SOCS6: variants seen among roughly 807,000 people sequenced by gnomAD.
SOCS6 encodes suppressor of cytokine signaling 6.
A neutral mutation model predicts 27.7 loss-of-function variants in SOCS6; 5 were observed. That is an observed-to-expected ratio of 0.18 (90% CI 0.09 to 0.38). The LOEUF (loss-of-function observed/expected upper bound fraction) is 0.38. Among genes scored for constraint, SOCS6 ranks in the 10% least tolerant of loss-of-function variants. SOCS6 has a pLI of 1.00. For missense variants in SOCS6, 595 were observed against 688.1 expected, an observed-to-expected ratio of 0.86 and a Z score of 1.51; for synonymous variants, 271 against 260.0, an observed-to-expected ratio of 1.04 and a Z score of -0.41.
intron 1 of SOCS6, among the ~76,000 whole-genome samples, chr18:70,316,999 C>A (rs2062414083): frequency 6.6e-6 from 1 of 152,166 alleles, no homozygotes; most frequent in Non-Finnish European, 1.5e-5. Context: ...AATCTTTATA[C>A]AAAGGCCCAG....
At chr18:70,308,327 C>T (rs541298321) in intron 1 of SOCS6, among the ~76,000 whole-genome samples, 13 of 152,274 alleles carry the variant, frequency 8.5e-5, no homozygotes, top group African/African-American at 3.1e-4. Context: ...AAGTGATCCT[C>T]CTGCCCCAGC....
rs763120236 is a variant in SOCS6, at chr18:70,321,312, GTTTTTTTTTTTTT to G, written c.-126-3217_-126-3205del. ...AATAAATAAATAACAAATTTTCTCA[GTTTTTTTTTTTTT>G]TTTTTTTTTTTTTGACAGAGTTTTC... On this transcript the variant is annotated intron_variant, in intron 1 of 1. Transcript: ENST00000397942. Among the ~76,000 whole-genome samples the G allele has an allele frequency of 1.2e-4, 8 of 68,694 alleles. No individual in the cohort carries two copies. In the East Asian group the frequency reaches 1.8e-3, roughly 15 times the overall value. The allele number at this position is 68,694 out of a possible 152,430, so 45.1% of individuals were successfully genotyped here.
intron 1 of SOCS6, among the ~76,000 whole-genome samples, chr18:70,304,972 C>T (rs1234223625): frequency 1.3e-5 from 2 of 152,070 alleles, no homozygotes; most frequent in East Asian, 1.9e-4. Context: ...TTTGGGATGC[C>T]GAGGTGGGCG....
chr18:70,302,715 T>C (rs898619568), intron 1 of SOCS6, among the ~76,000 whole-genome samples: 1 of 152,076 alleles, frequency 6.6e-6, no homozygotes, highest in African/African-American at 2.4e-5. Context: ...ACTCTTGTCA[T>C]TTAGACTTTG....
Position 70,326,600 on chromosome 18 carries a change from T to C in SOCS6, c.*324T>C. The C allele has an allele frequency of 3.8e-6, 1 of 264,452 alleles. No individual in the cohort carries two copies. Among genetic ancestry groups the C allele is most frequent in the Non-Finnish European group, 7.7e-6 (1 of 129,786 alleles). 16.4% of individuals were successfully genotyped at this position (264,452 alleles called of 1,614,324 possible). ...CTTTGCTGCTATCCACTGTGATTTT[T>C]ATGCATTAAAAGCACATTTCATGTG... On this transcript the variant is annotated 3_prime_UTR_variant, in exon 2 of 2. Coordinates refer to ENST00000397942, the MANE Select transcript of SOCS6 (RefSeq NM_004232.4).
intron 1 of SOCS6, among the ~76,000 whole-genome samples, chr18:70,294,667 G>T (rs1353868768): frequency 6.6e-6 from 1 of 152,170 alleles, no homozygotes; most frequent in Non-Finnish European, 1.5e-5. Flanking sequence ...AAGTGAATGG[G>T]CGCCTTCAGA....
chr18:70,308,367 G>C (rs746693335), intron 1 of SOCS6, among the ~76,000 whole-genome samples: 2 of 152,040 alleles, frequency 1.3e-5, no homozygotes, highest in African/African-American at 4.8e-5. Context: ...ACAGGCATGC[G>C]CCACCATACC....
chr18:70,290,841 A>G (rs2062295831), intron 1 of SOCS6, among the ~76,000 whole-genome samples: 1 of 151,812 alleles, frequency 6.6e-6, no homozygotes, highest in East Asian at 1.9e-4. Flanking sequence ...TTACCCTCTA[A>G]ATTGGTAGTC....
intron 1 of SOCS6, among the ~76,000 whole-genome samples, chr18:70,311,555 T>C: frequency 6.6e-6 from 1 of 152,174 alleles, no homozygotes; most frequent in East Asian, 1.9e-4. Context: ...TTTGTAGTAA[T>C]GTAAAATCGG....
chr18:70,295,239 A>C (rs960804340), intron 1 of SOCS6, among the ~76,000 whole-genome samples: 2 of 152,246 alleles, frequency 1.3e-5, no homozygotes, highest in African/African-American at 2.4e-5. Context: ...TTCCATCAAA[A>C]ACAATTTCAA....
intron 1 of SOCS6, among the ~76,000 whole-genome samples, chr18:70,317,580 C>CACAT (rs1568602861): frequency 6.6e-6 from 1 of 150,638 alleles, no homozygotes. Context: ...CACACACACA[C>CACAT]ACCACATTTT....
In SOCS6 at chr18:70,328,596, A is replaced by G. The variant is rs901073326; in HGVS notation, c.*2320A>G. 1.8e-5 allele frequency: 3 copies of G among 166,984 alleles called. No individual in the cohort carries two copies. Among genetic ancestry groups the G allele is most frequent in the Admixed American group, 6.5e-5 (1 of 15,272 alleles). The allele number at this position is 166,984 out of a possible 1,614,324, so 10.3% of individuals were successfully genotyped here. ...AAGCCAAATTTTGATGCGCTTTTGT[A>G]TATTCATAATATATACTTTAATATG... On this transcript the variant is annotated 3_prime_UTR_variant, in exon 2 of 2. Transcript: ENST00000397942.
chr18:70,311,208 A>G (rs2062389525), intron 1 of SOCS6, among the ~76,000 whole-genome samples: 1 of 152,172 alleles, frequency 6.6e-6, no homozygotes, highest in African/African-American at 2.4e-5. Flanking sequence ...CTAGAATCTA[A>G]GATCCTAGAA....
chr18:70,320,452 T>C (rs889551271), intron 1 of SOCS6, among the ~76,000 whole-genome samples: 2 of 152,204 alleles, frequency 1.3e-5, no homozygotes, highest in African/African-American at 4.8e-5. Flanking sequence ...TCCAACTATG[T>C]ATCTGGAGGA....
intron 1 of SOCS6, among the ~76,000 whole-genome samples, chr18:70,306,960 G>T (rs1393353399): frequency 6.6e-6 from 1 of 152,122 alleles, no homozygotes. Flanking sequence ...TCAGTTTGCT[G>T]ATGTTTTGTT....
At chr18:70,320,657 C>A (rs1348506547) in intron 1 of SOCS6, among the ~76,000 whole-genome samples, 1 of 152,114 alleles carries the variant, frequency 6.6e-6, no homozygotes, top group South Asian at 2.1e-4. Context: ...TAATCTCTTA[C>A]TGTACCTAAC....
intron 1 of SOCS6, among the ~76,000 whole-genome samples, chr18:70,291,845 C>T (rs2062300880): frequency 6.6e-6 from 1 of 152,062 alleles, no homozygotes; most frequent in Admixed American, 6.5e-5. Context: ...TAGTATATGT[C>T]ATAAAAAGGA....
At chr18:70,303,132 C>G (rs1255389034) in intron 1 of SOCS6, among the ~76,000 whole-genome samples, 1 of 152,112 alleles carries the variant, frequency 6.6e-6, no homozygotes, top group Non-Finnish European at 1.5e-5. Context: ...CTTTGTGGTC[C>G]AGTTTTCCTC....
chr18:70,324,520 C>A, intron 1 of SOCS6, 23 bp from the exon 2 acceptor site: 2 of 586,154 alleles, frequency 3.4e-6, no homozygotes, highest in South Asian at 2.5e-5. Flanking sequence ...TAATATGACT[C>A]TTTTTATATT....
Sources: gnomAD v4.1 joint callset for allele counts (sites outside exome capture counted in the v4.1 genomes callset) on GRCh38, gnomAD v4.1.1 for gene constraint, MANE v1.5 for transcripts, NCBI Gene and HGNC (gene_info 2026-07-23, HGNC 2026-07-21) for gene names.